Variants in DCDC1 observed in about 807,000 individuals in gnomAD.
DCDC1 encodes doublecortin domain-containing protein 1.
Under a neutral mutation model 178.3 loss-of-function variants are expected in DCDC1, and 200 were observed. The ratio of observed to expected loss-of-function variants is 1.12; its 90% CI spans 1.00 to 1.26. DCDC1 has a LOEUF of 1.26. Ranked by LOEUF, DCDC1 falls within the 50% of genes most tolerant of loss-of-function variation. DCDC1 has a pLI of 0.00. For missense variants in DCDC1, 1,983 were observed against 1,749.2 expected (o/e 1.13, Z -2.38); for synonymous variants, 690 against 604.8 (o/e 1.14, Z -2.07).
chr11:31,101,618 T>G (rs1173807643), intron 15 of DCDC1, among the ~76,000 whole-genome samples: 1 of 152,188 alleles, frequency 6.6e-6, no homozygotes, highest in Non-Finnish European at 1.5e-5. Context: ...CAATACAGCT[T>G]AAATAACATA....
At chr11:31,121,389 T>C (rs1291036552) in intron 11 of DCDC1, among the ~76,000 whole-genome samples, 4 of 148,772 alleles carry the variant, frequency 2.7e-5, no homozygotes, top group African/African-American at 1.0e-4. Context: ...ATGGCAGAAA[T>C]GAGCAACCAC....
chr11:31,022,688 G>GTGTGTGT (rs1952963262), intron 20 of DCDC1, among the ~76,000 whole-genome samples: 2 of 85,912 alleles, frequency 2.3e-5, no homozygotes, highest in African/African-American at 4.9e-5. Flanking sequence ...TGTGTGTGTG[G>GTGTGTGT]TATGTGTTTA....
intron 8 of DCDC1, among the ~76,000 whole-genome samples, chr11:31,250,758 ATTT>A (rs35647764): frequency 5.6e-5 from 8 of 142,452 alleles, no homozygotes; most frequent in Non-Finnish European, 9.2e-5. Context: ...CATCCCTAAT[ATTT>A]TTTTTTTTTT....
Position 31,083,994 on chromosome 11 carries a change from G to T in DCDC1, c.2238-6069C>A, listed in dbSNP as rs562716160. Reference sequence around the variant, plus strand: ...CTTTTGGAAAATAGCATTTTTAAATGATTTTTGAGATGGTTTAGGTCACCT... The same window carrying T: ...CTTTTGGAAAATAGCATTTTTAAATTATTTTTGAGATGGTTTAGGTCACCT... On this transcript the variant is annotated intron_variant, in intron 17 of 38. Coordinates refer to ENST00000684477, the MANE Select transcript of DCDC1 (RefSeq NM_001387274.1). 5.9e-5 allele frequency among the ~76,000 whole-genome samples: 9 copies of T among 152,264 alleles called. No individual in the cohort carries two copies. In the East Asian group the frequency reaches 1.7e-3, roughly 29 times the overall value.
chr11:31,019,690 G>C (rs1487641605), intron 20 of DCDC1, among the ~76,000 whole-genome samples: 1 of 151,998 alleles, frequency 6.6e-6, no homozygotes, highest in African/African-American at 2.4e-5. Context: ...TGTCTTCCCT[G>C]CCCTTAAAAT....
chr11:30,916,854 C>A lies in DCDC1; in HGVS notation c.3452+16G>T. The A allele has an allele frequency of 6.3e-7, 1 of 1,586,650 alleles. No individual in the cohort carries two copies. The highest frequency in any genetic ancestry group is 8.6e-7 in the Non-Finnish European group (1 of 1,167,684). On this transcript the variant is annotated intron_variant, in intron 26 of 38. Transcript: ENST00000684477. ...TAGACAGAAATCTTTAAGAGGAATC[C>A]TTTGCAACTTTTTACCTGTGTTTCT... is the stretch of plus-strand genomic sequence containing the variant.
At position 30,881,190 on chromosome 11, in the gene DCDC1, A is replaced by G. The variant is rs1213567614; in HGVS notation, c.5201T>C (p.Val1734Ala). Residue 1734 changes from valine to alanine, a missense_variant, in exon 37 of 39, where the codon GTG becomes GCG. Physicochemically the swap from Val to Ala is moderately conservative, Grantham distance 64. Coordinates refer to ENST00000684477, the MANE Select transcript of DCDC1 (RefSeq NM_001387274.1). Reference sequence around the variant, plus strand: ...GGTTTTGAAACCATGTCCCATAGACACACAGATGACCATATCTCGCTCTAT... The same window carrying G: ...GGTTTTGAAACCATGTCCCATAGACGCACAGATGACCATATCTCGCTCTAT... ...DDIERDMVIC[V>A]SMGHGFKTPK... The G allele has an allele frequency of 9.9e-6, 16 of 1,613,388 alleles. No individual in the cohort carries two copies. In the Admixed American group the frequency reaches 2.7e-4, roughly 27 times the overall value.
chr11:31,082,560 G>A (rs1241573102), intron 17 of DCDC1, among the ~76,000 whole-genome samples: 2 of 148,906 alleles, frequency 1.3e-5, no homozygotes, highest in Non-Finnish European at 3.0e-5. Flanking sequence ...CAGCTATATC[G>A]ATATGTGATA....
At chr11:31,031,901 A>T (rs1285906004) in intron 20 of DCDC1, among the ~76,000 whole-genome samples, 3 of 152,124 alleles carry the variant, frequency 2.0e-5, no homozygotes, top group African/African-American at 7.2e-5. Flanking sequence ...AAATTATGTG[A>T]TCTTATGCTA....
chr11:31,039,458 C>T (rs1954291545), intron 20 of DCDC1, among the ~76,000 whole-genome samples: 1 of 152,138 alleles, frequency 6.6e-6, no homozygotes, highest in Admixed American at 6.5e-5. Context: ...CCTTGAACAA[C>T]CTTCACTACA....
At chr11:31,016,886 A>C (rs561573316) in intron 20 of DCDC1, among the ~76,000 whole-genome samples, 1 of 152,332 alleles carries the variant, frequency 6.6e-6, no homozygotes, top group East Asian at 1.9e-4. Context: ...TGTCATATTA[A>C]GTTTCTGTCA....
At chr11:30,873,783 A>G (rs1327829286) in intron 38 of DCDC1, among the ~76,000 whole-genome samples, 1 of 152,176 alleles carries the variant, frequency 6.6e-6, no homozygotes, top group Non-Finnish European at 1.5e-5. Context: ...AGAAAACTCC[A>G]GGAAGCTGGT....
chr11:31,071,271 T>C (rs1956543275), intron 18 of DCDC1, among the ~76,000 whole-genome samples: 1 of 152,206 alleles, frequency 6.6e-6, no homozygotes, highest in African/African-American at 2.4e-5. Context: ...AATATATTCA[T>C]ACAATCTCAT....
At chr11:31,272,137 G>T (rs1431038782) in intron 7 of DCDC1, among the ~76,000 whole-genome samples, 1 of 147,060 alleles carries the variant, frequency 6.8e-6, no homozygotes, top group Non-Finnish European at 1.5e-5. Context: ...ACTCCAGCCT[G>T]GTTGGCAGGG....
intron 20 of DCDC1, among the ~76,000 whole-genome samples, chr11:31,026,927 C>T (rs1429879760): frequency 6.6e-6 from 1 of 151,692 alleles, no homozygotes; most frequent in Non-Finnish European, 1.5e-5. Flanking sequence ...TATGAAGCTG[C>T]CCTTGAATTT....
At chr11:31,146,123 A>G (rs1964425724) in intron 9 of DCDC1, among the ~76,000 whole-genome samples, 1 of 149,792 alleles carries the variant, frequency 6.7e-6, no homozygotes, top group Admixed American at 6.7e-5. Context: ...CCCAGACTAG[A>G]GTGCAGTGGC....
intron 9 of DCDC1, among the ~76,000 whole-genome samples, chr11:31,202,646 A>G (rs1320078658): frequency 6.6e-6 from 1 of 152,190 alleles, no homozygotes; most frequent in East Asian, 1.9e-4. Flanking sequence ...ACAGTAAGAT[A>G]AAATCAAAAA....
chr11:31,218,704 A>C (rs1973881509), intron 9 of DCDC1, among the ~76,000 whole-genome samples: 1 of 152,198 alleles, frequency 6.6e-6, no homozygotes, highest in Non-Finnish European at 1.5e-5. Context: ...GAGGATTAAA[A>C]ACTCAGTGTC....
chr11:31,268,085 C>G (rs751967383), intron 7 of DCDC1, among the ~76,000 whole-genome samples: 2 of 152,212 alleles, frequency 1.3e-5, no homozygotes, highest in Non-Finnish European at 2.9e-5. Flanking sequence ...TACAACCCCA[C>G]ATTACTTATC....
Sources: allele counts gnomAD v4.1 joint callset (sites outside exome capture counted in the v4.1 genomes callset), GRCh38; gene constraint gnomAD v4.1.1; transcripts MANE v1.5; gene names NCBI Gene and HGNC (gene_info 2026-07-23, HGNC 2026-07-21).